The following SRRM4 variants were observed in gnomAD, a reference collection of about 807,000 sequenced individuals.
SRRM4 encodes the protein serine/arginine repetitive matrix 4.
Under a neutral mutation model 68.9 loss-of-function variants are expected in SRRM4, and 33 were observed. The ratio of observed to expected loss-of-function variants is 0.48; its 90% CI spans 0.36 to 0.64. The LOEUF is 0.64. Among genes scored for constraint, SRRM4 ranks in the 30% least tolerant of loss-of-function variants. SRRM4 has a pLI of 0.00. For synonymous variants in SRRM4, 318 were observed against 318.8 expected (o/e 1.00, Z 0.03); for missense variants, 817 against 827.1 (o/e 0.99, Z 0.15).
Position 119,107,689 on chromosome 12 carries a change from T to C in SRRM4, c.278+5307T>C, listed in dbSNP as rs1448103765. On this transcript the variant is annotated intron_variant, in intron 2 of 12. Coordinates refer to ENST00000267260, the MANE Select transcript of SRRM4 (RefSeq NM_194286.4). ...ATCCCCTTTATCATTTTTTATTGTG[T>C]GTATTTGATTCTTCTCTCTTTTCTT... Among the ~76,000 whole-genome samples the C allele has an allele frequency of 3.9e-5, 6 of 152,196 alleles. 1 individual carries two copies. Among genetic ancestry groups the C allele is most frequent in the Non-Finnish European group, 7.3e-5 (5 of 68,030 alleles).
At position 119,020,595 on chromosome 12, in the gene SRRM4, G is replaced by A. The variant is rs576056677; in HGVS notation, c.131+38582G>A. Reference sequence around the variant, plus strand: ...GGATAAGAGTCCTGACGGAGGGGGAGTGAGTCGGAGCTGGTGGCGTTGAAA... The same window carrying A: ...GGATAAGAGTCCTGACGGAGGGGGAATGAGTCGGAGCTGGTGGCGTTGAAA... On this transcript the variant is annotated intron_variant, in intron 1 of 12. Coordinates refer to ENST00000267260, the MANE Select transcript of SRRM4 (RefSeq NM_194286.4). 1.6e-4 allele frequency among the ~76,000 whole-genome samples: 24 copies of A among 152,308 alleles called. No homozygotes were observed. The East Asian group carries it at 4.5e-3, about 28-fold the overall frequency.
intron 2 of SRRM4, among the ~76,000 whole-genome samples, chr12:119,110,064 G>C (rs939364293): frequency 8.5e-5 from 13 of 152,214 alleles, no homozygotes; most frequent in Admixed American, 8.5e-4. Context: ...CTCAGCTGCA[G>C]GTCTGTTGGA....
chr12:119,066,240 G>C (rs955552215), intron 1 of SRRM4, among the ~76,000 whole-genome samples: 1 of 152,098 alleles, frequency 6.6e-6, no homozygotes, highest in Non-Finnish European at 1.5e-5. Flanking sequence ...TATGTGCCAA[G>C]TACTGTAATA....
chr12:119,086,879 C>A (rs1010295361), intron 1 of SRRM4, among the ~76,000 whole-genome samples: 4 of 152,232 alleles, frequency 2.6e-5, no homozygotes, highest in Non-Finnish European at 5.9e-5. Context: ...TGACTGAAGT[C>A]TGGAGGTAGA....
At chr12:118,995,685 A>T (rs983331381) in intron 1 of SRRM4, among the ~76,000 whole-genome samples, 1 of 152,220 alleles carries the variant, frequency 6.6e-6, no homozygotes, top group Non-Finnish European at 1.5e-5. Flanking sequence ...TGCAACGCTT[A>T]CCCCAAGCTG....
chr12:119,050,948 T>C (rs771946157), intron 1 of SRRM4, among the ~76,000 whole-genome samples: 1 of 152,182 alleles, frequency 6.6e-6, no homozygotes, highest in Non-Finnish European at 1.5e-5. Flanking sequence ...GTGGCTCCCA[T>C]ATTGGACAGA....
intron 1 of SRRM4, among the ~76,000 whole-genome samples, chr12:119,066,031 T>TAACC (rs1219659344): frequency 6.6e-6 from 1 of 152,062 alleles, no homozygotes; most frequent in African/African-American, 2.4e-5. Context: ...TGACAAAGAG[T>TAACC]AACCCCTCAA....
rs995625062 is a variant in SRRM4, at chr12:119,161,737, CAGAAATGG to C, written c.*4942_*4949del. 6.6e-6 allele frequency: 1 copy of C among 152,516 alleles called. No homozygotes were observed. Among genetic ancestry groups the C allele is most frequent in the African/African-American group, 2.4e-5 (1 of 41,408 alleles). 9.4% of individuals were successfully genotyped at this position (152,516 alleles called of 1,614,324 possible). A position where few individuals can be genotyped will look rare whatever the true frequency, so the allele number is the denominator to read the frequency against. On this transcript the variant is annotated 3_prime_UTR_variant, in exon 13 of 13. Coordinates refer to ENST00000267260, the MANE Select transcript of SRRM4 (RefSeq NM_194286.4). ...GAATCACCAAGCAAATTGAAATTGG[CAGAAATGG>C]AGGCTTCAGTCACACAAATTAGACT... is the stretch of plus-strand genomic sequence containing the variant.
intron 8 of SRRM4, among the ~76,000 whole-genome samples, chr12:119,137,686 A>AG (rs1954339594): frequency 6.6e-6 from 1 of 151,776 alleles, no homozygotes; most frequent in African/African-American, 2.4e-5. Flanking sequence ...AAAGGGAAAT[A>AG]GTTCACTTCC....
At chr12:119,115,150 CA>C (rs1298584206) in intron 3 of SRRM4, among the ~76,000 whole-genome samples, 1 of 151,984 alleles carries the variant, frequency 6.6e-6, no homozygotes, top group East Asian at 1.9e-4. Flanking sequence ...ACAGGATCTA[CA>C]GGGGCTTGAC....
intron 8 of SRRM4, among the ~76,000 whole-genome samples, chr12:119,135,556 C>A (rs987582456): frequency 3.9e-5 from 6 of 152,078 alleles, no homozygotes; most frequent in Non-Finnish European, 5.9e-5. Context: ...TTGATCTCTC[C>A]CTGTGAGACC....
Position 119,162,145 on chromosome 12 carries a change from T to G in SRRM4, c.*5347T>G, listed in dbSNP as rs1048684092. The G allele has an allele frequency of 6.6e-6, 1 of 152,164 alleles. No individual in the cohort carries two copies. Among genetic ancestry groups the G allele is most frequent in the Non-Finnish European group, 1.5e-5 (1 of 68,040 alleles). 9.4% of individuals were successfully genotyped at this position (152,164 alleles called of 1,614,324 possible). On this transcript the variant is annotated 3_prime_UTR_variant, in exon 13 of 13. Coordinates refer to ENST00000267260, the MANE Select transcript of SRRM4 (RefSeq NM_194286.4). Reference sequence around the variant, plus strand: ...CCTGATGCTATGGACTCCATACTGTTGGATATATTGTCTCTTGTGTCTTCT... The same window carrying G: ...CCTGATGCTATGGACTCCATACTGTGGGATATATTGTCTCTTGTGTCTTCT...
intron 1 of SRRM4, among the ~76,000 whole-genome samples, chr12:119,026,721 G>GT (rs1212667601): frequency 5.5e-4 from 84 of 151,490 alleles, no homozygotes; most frequent in Middle Eastern, 3.4e-3. Context: ...GCTAATTTTT[G>GT]TTTTTTTTGT....
chr12:119,073,312 C>CTTTTTT lies in SRRM4; in HGVS notation c.132-28917_132-28912dup, dbSNP rs71451813. On this transcript the variant is annotated intron_variant, in intron 1 of 12. Transcript: ENST00000267260. ...GTCTCTATTTCTCTCTCTCTCTCCT[C>CTTTTTT]TTTTTTTTTTTTGTTTGTTTGTTTG... 2.2e-3 allele frequency among the ~76,000 whole-genome samples: 231 copies of CTTTTTT among 102,886 alleles called. 2 individuals carry two copies. Among genetic ancestry groups the CTTTTTT allele is most frequent in the South Asian group, 5.4e-3 (18 of 3,356 alleles). The allele number at this position is 102,886 out of a possible 152,430, so 67.5% of individuals were successfully genotyped here.
chr12:119,057,035 A>G (rs1005300893), intron 1 of SRRM4, among the ~76,000 whole-genome samples: 7 of 152,206 alleles, frequency 4.6e-5, no homozygotes, highest in Non-Finnish European at 1.0e-4. Context: ...AGATGATAAG[A>G]TATAGGCACA....
intron 1 of SRRM4, among the ~76,000 whole-genome samples, chr12:119,077,232 G>A (rs7966721): frequency 0.57 from 86,897 of 151,964 alleles, 25,837 homozygotes; most frequent in Middle Eastern, 0.76. Context: ...ACCTGGGAAC[G>A]TTGTATAAAT....
chr12:119,081,912 G>A (rs1336494088), intron 1 of SRRM4, among the ~76,000 whole-genome samples: 1 of 151,420 alleles, frequency 6.6e-6, no homozygotes, highest in Non-Finnish European at 1.5e-5. Context: ...TAACGGAGAT[G>A]ATGAAGATTC....
intron 1 of SRRM4, among the ~76,000 whole-genome samples, chr12:118,997,854 A>G (rs1953359086): frequency 1.3e-5 from 2 of 152,038 alleles, no homozygotes; most frequent in African/African-American, 2.4e-5. Flanking sequence ...AAGCTGAAGT[A>G]TGGGGACACT....
At chr12:119,140,365 G>C (rs758367569) in intron 8 of SRRM4, among the ~76,000 whole-genome samples, 11 of 141,348 alleles carry the variant, frequency 7.8e-5, no homozygotes, top group Non-Finnish European at 1.7e-4. Flanking sequence ...GCAACAGAGC[G>C]AGACTCTGTC....
Sources: allele counts gnomAD v4.1 joint callset (sites outside exome capture counted in the v4.1 genomes callset), GRCh38; gene constraint gnomAD v4.1.1; transcripts MANE v1.5; gene names NCBI Gene and HGNC (gene_info 2026-07-23, HGNC 2026-07-21).